TAF12: variants seen among roughly 807,000 people sequenced by gnomAD.
TAF12 encodes the protein TATA-box binding protein associated factor 12, also known as transcription initiation factor TFIID subunit 12.
In TAF12, 3 loss-of-function variants were observed where a neutral mutation model predicts 20.8. That is an observed-to-expected ratio of 0.14 (90% CI 0.07 to 0.37). The LOEUF (loss-of-function observed/expected upper bound fraction) is 0.37, where lower values mean the gene tolerates loss of function less well. Ranked by LOEUF, TAF12 falls within the 10% of genes least tolerant of loss-of-function variation. The probability of loss-of-function intolerance (pLI) is 1.00; values close to 1 mark genes in which losing one functional copy is unlikely to be tolerated. For synonymous variants in TAF12, 69 were observed against 70.2 expected (o/e 0.98, Z 0.09); for missense variants, 131 against 197.9 (o/e 0.66, Z 2.03).
chr1:28,647,829 G>A (rs1363606156), upstream of TAF12, among the ~76,000 whole-genome samples: 4 of 151,718 alleles, frequency 2.6e-5, no homozygotes, highest in Non-Finnish European at 4.4e-5. Context: ...AGCCGATATC[G>A]CGCCACTGCA....
intron 3 of TAF12, 118 bp downstream of exon 3, chr1:28,617,835 C>T (rs1051616318): frequency 8.2e-6 from 8 of 976,050 alleles, no homozygotes; most frequent in South Asian, 4.1e-5. Context: ...TCCAGCAATC[C>T]TCCTGCTTTG....
chr1:28,604,487 T>C (rs1242392648), intron 5 of TAF12, among the ~76,000 whole-genome samples: 4 of 152,198 alleles, frequency 2.6e-5, no homozygotes, highest in Non-Finnish European at 5.9e-5. Flanking sequence ...AATACCAATA[T>C]TATGGCATTT....
chr1:28,643,036 G>C lies in TAF12; in HGVS notation c.-129C>G, dbSNP rs116551508. 612 of 985,908 alleles carry C rather than the reference G, an allele frequency of 6.2e-4. No individual in the cohort carries two copies. The highest frequency in any genetic ancestry group is 1.5e-3 in the Admixed American group (25 of 16,272). 61.1% of individuals were successfully genotyped at this position (985,908 alleles called of 1,614,324 possible). ...CCCATGATATGCAGAGACTGCCCCAGTGAAGCGTTCGTCTCAGCAGCCGGT... is the reference window on the plus strand; with the variant it reads ...CCCATGATATGCAGAGACTGCCCCACTGAAGCGTTCGTCTCAGCAGCCGGT... On this transcript the variant is annotated 5_prime_UTR_variant, in exon 1 of 6. Coordinates refer to ENST00000373824, the MANE Select transcript of TAF12 (RefSeq NM_005644.4).
chr1:28,615,530 T>G (rs1667004288), intron 3 of TAF12, among the ~76,000 whole-genome samples: 1 of 151,508 alleles, frequency 6.6e-6, no homozygotes. Flanking sequence ...ATTACAAAAA[T>G]TAGCCAGGTG....
intron 3 of TAF12, among the ~76,000 whole-genome samples, chr1:28,614,766 A>G (rs1666975463): frequency 6.6e-6 from 1 of 151,954 alleles, no homozygotes; most frequent in Admixed American, 6.6e-5. Context: ...ATCACTATCA[A>G]TTATTATTGG....
upstream of TAF12, among the ~76,000 whole-genome samples, chr1:28,647,408 C>T (rs1187244377): frequency 1.3e-5 from 2 of 152,112 alleles, no homozygotes; most frequent in Non-Finnish European, 2.9e-5. Context: ...CTGCCTCAGC[C>T]TTTGGGGTAG....
chr1:28,611,303 A>G (rs1188501369), intron 4 of TAF12, among the ~76,000 whole-genome samples: 2 of 151,966 alleles, frequency 1.3e-5, no homozygotes, highest in African/African-American at 4.8e-5. Flanking sequence ...GCAGAATCCC[A>G]CCTTTTTCAG....
chr1:28,617,848 C>T (rs1667092308), intron 3 of TAF12, 105 bp downstream of exon 3: 1 of 1,095,450 alleles, frequency 9.1e-7, no homozygotes, highest in Non-Finnish European at 1.4e-6. Flanking sequence ...CTGCTTTGGT[C>T]TCTCAAAAGG....
At chr1:28,646,919 C>T (rs898522459), upstream of TAF12, among the ~76,000 whole-genome samples, 2 of 152,052 alleles carry the variant, frequency 1.3e-5, no homozygotes, top group Non-Finnish European at 2.9e-5. Flanking sequence ...AGGATGGTCT[C>T]GATCTTCTGA....
At chr1:28,606,608 AAG>A (rs1473602129) in intron 4 of TAF12, among the ~76,000 whole-genome samples, 1 of 152,188 alleles carries the variant, frequency 6.6e-6, no homozygotes, top group Non-Finnish European at 1.5e-5. Flanking sequence ...TGCAAAGAAA[AAG>A]AGGTAATTTA....
chr1:28,623,005 C>A (rs1323444922), intron 1 of TAF12, among the ~76,000 whole-genome samples: 1 of 150,350 alleles, frequency 6.7e-6, no homozygotes, highest in Non-Finnish European at 1.5e-5. Context: ...CCAGCCTGGG[C>A]AACAGAGTGA....
upstream of TAF12, among the ~76,000 whole-genome samples, chr1:28,643,765 T>G (rs1668117032): frequency 6.6e-6 from 1 of 152,100 alleles, no homozygotes; most frequent in African/African-American, 2.4e-5. Flanking sequence ...AGATGCTTGG[T>G]GAGAACTGCT....
At chr1:28,646,888 C>CGG (rs1350676728), upstream of TAF12, among the ~76,000 whole-genome samples, 1 of 151,994 alleles carries the variant, frequency 6.6e-6, no homozygotes, top group African/African-American at 2.4e-5. Context: ...TTAGTAGAGA[C>CGG]GGGGTTTCAC....
chr1:28,603,449 T>TA lies in TAF12; in HGVS notation c.*89dup, dbSNP rs993226068. On this transcript the variant is annotated 3_prime_UTR_variant, in exon 6 of 6. Transcript: ENST00000373824. ...AAATATATGCTTCTCTGTAAAGCAT[T>TA]AAAAAAAAAAATCCAAGGATGAGAT... The TA allele has an allele frequency of 0.079, 76,859 of 976,240 alleles. No individual in the cohort carries two copies. Among genetic ancestry groups the TA allele is most frequent in the South Asian group, 0.11 (6,063 of 56,916 alleles). The allele number at this position is 976,240 out of a possible 1,614,324, so 60.5% of individuals were successfully genotyped here. A position where few individuals can be genotyped will look rare whatever the true frequency, so the allele number is the denominator to read the frequency against.
upstream of TAF12, among the ~76,000 whole-genome samples, chr1:28,645,043 T>C (rs2124400621): frequency 6.6e-6 from 1 of 152,052 alleles, no homozygotes; most frequent in East Asian, 1.9e-4. Flanking sequence ...AATTTTCTTT[T>C]TTTTTTTTTT....
At chr1:28,608,175 C>CAAA (rs58747974) in intron 4 of TAF12, among the ~76,000 whole-genome samples, 14 of 63,710 alleles carry the variant, frequency 2.2e-4, no homozygotes, top group African/African-American at 3.2e-4. Context: ...ACTAAAAATA[C>CAAA]AAAAAAAAAA....
chr1:28,647,622 C>A (rs1668229780), upstream of TAF12, among the ~76,000 whole-genome samples: 1 of 152,144 alleles, frequency 6.6e-6, no homozygotes, highest in Non-Finnish European at 1.5e-5. Context: ...GCCTATAATC[C>A]CAGCACTCTG....
At chr1:28,620,454 G>C (rs76348382) in intron 2 of TAF12, among the ~76,000 whole-genome samples, 33 of 142,142 alleles carry the variant, frequency 2.3e-4, no homozygotes, top group Admixed American at 1.1e-3. Flanking sequence ...TTTTTTTTTT[G>C]CAACAGAGTC....
At chr1:28,623,279 T>C (rs1278004036) in intron 1 of TAF12, among the ~76,000 whole-genome samples, 2 of 152,104 alleles carry the variant, frequency 1.3e-5, no homozygotes, top group Non-Finnish European at 2.9e-5. Context: ...CCCAGCACTT[T>C]GGGAGGCCGA....
Sources: gnomAD v4.1 joint callset for allele counts (sites outside exome capture counted in the v4.1 genomes callset) on GRCh38, gnomAD v4.1.1 for gene constraint, MANE v1.5 for transcripts, NCBI Gene and HGNC (gene_info 2026-07-23, HGNC 2026-07-21) for gene names.